SBNO2: variants seen among roughly 807,000 people sequenced by gnomAD.
The protein encoded by SBNO2 is strawberry notch homolog 2.
SBNO2 carries 89 observed loss-of-function variants against 146.3 expected under a neutral mutation model. The ratio of observed to expected loss-of-function variants is 0.61; its 90% CI spans 0.51 to 0.73. The LOEUF (loss-of-function observed/expected upper bound fraction) is 0.73, where lower values mean the gene tolerates loss of function less well. Among genes scored for constraint, SBNO2 ranks in the 30% least tolerant of loss-of-function variants. The pLI, the probability that SBNO2 is intolerant of heterozygous loss-of-function variation, is 0.00. For synonymous variants in SBNO2, 1,147 were observed against 892.6 expected (o/e 1.29, Z -5.08); for missense variants, 2,092 against 2,003.7 (o/e 1.04, Z -0.84).
At position 1,112,520 on chromosome 19, in the gene SBNO2, C is replaced by T. The variant is rs1272952010; in HGVS notation, c.2397G>A (p.Ser799=). ...MSGEKLVAII[S]EASSSGVSLQ... is the part of the protein sequence containing the mutation. ...GGGAGACACCCGAGCTGGAGGCCTCCGAGATGATGGCCACGAGCTAGGGGG... is the reference window on the plus strand; with the variant it reads ...GGGAGACACCCGAGCTGGAGGCCTCTGAGATGATGGCCACGAGCTAGGGGG... Residue 799 remains serine (S), a synonymous_variant, in exon 21 of 32, where the codon TCG becomes TCA. Coordinates refer to ENST00000361757, the MANE Select transcript of SBNO2 (RefSeq NM_014963.3). The surrounding 1 kb of genome is among the most constrained non-coding windows in gnomAD (Gnocchi z 5.9). 11 of 1,603,190 alleles carry T rather than the reference C, an allele frequency of 6.9e-6. No homozygotes were observed. The highest frequency in any genetic ancestry group is 1.7e-5 in the Admixed American group (1 of 59,540).
chr19:1,109,794 A>C lies in SBNO2; in HGVS notation c.3029-17T>G. The C allele has an allele frequency of 2.9e-6, 4 of 1,401,218 alleles. No individual in the cohort carries two copies. The highest frequency in any genetic ancestry group is 4.0e-6 in the Non-Finnish European group (4 of 1,006,434). 86.8% of individuals were successfully genotyped at this position (1,401,218 alleles called of 1,614,324 possible). On this transcript the variant is annotated splice_polypyrimidine_tract_variant and intron_variant, in intron 26 of 31. Coordinates refer to ENST00000361757, the MANE Select transcript of SBNO2 (RefSeq NM_014963.3). The surrounding 1 kb of genome is among the most constrained non-coding windows in gnomAD (Gnocchi z 4.2). ...GAGCAAGGTCTAGGGGGGCGGGTGG[A>C]GGGTAAGTGGTGTCCAGGCCTGGGA...
intron 5 of SBNO2, 25 bp downstream of exon 5, chr19:1,127,579 G>A: frequency 6.2e-7 from 1 of 1,606,958 alleles, no homozygotes; most frequent in Non-Finnish European, 8.5e-7. Flanking sequence ...GGTCGGGGCT[G>A]GCTGGGGGCA....
rs779485066 is a variant in SBNO2 at position 1,109,088 on chromosome 19, G to A, written c.3425+47C>T. ...TCGGGAGCCCCCGATCCCCGCCTGG[G>A]TCGCCGCCATCTGCCGGTTTCCCCC... is the stretch of plus-strand genomic sequence containing the variant. On this transcript the variant is annotated intron_variant, in intron 30 of 31. Transcript: ENST00000361757. The surrounding 1 kb of genome is among the most constrained non-coding windows in gnomAD (Gnocchi z 4.2). 1.9e-6 allele frequency: 3 copies of A among 1,541,140 alleles called. No individual in the cohort carries two copies. The highest frequency in any genetic ancestry group is 2.5e-5 in the East Asian group (1 of 40,804).
In SBNO2 at chr19:1,116,843, G is replaced by A. The variant is rs528284987; in HGVS notation, c.1788C>T (p.Phe596=). The change falls in exon 16 of 32, where the codon TTC becomes TTT. Residue 596 remains phenylalanine, a synonymous_variant. Transcript: ENST00000361757. ...GTGACACTTACTCAGCGGCCGAGAC[G>A]AAGCAGTTGAGGTGCCCATCGTTCT... ...LGENDGHLNC[F]VSAAEGVFLS... 421 of 1,590,216 alleles carry A rather than the reference G, an allele frequency of 2.6e-4. No homozygotes were observed. Among genetic ancestry groups the A allele is most frequent in the Non-Finnish European group, 3.4e-4 (400 of 1,169,958 alleles).
In SBNO2 at chr19:1,110,781, C is replaced by G. The variant is rs1198594825; in HGVS notation, c.2992G>C (p.Asp998His). The change falls in exon 26 of 32, where the codon GAC becomes CAC. Residue 998 changes from aspartate to histidine, a missense_variant. By Grantham distance (81) the Asp-to-His change is moderately conservative. Transcript: ENST00000361757. This position sits in a 1 kb window ranked among gnomAD's most constrained non-coding sequence, Gnocchi z 4.9. The part of the protein sequence containing the change: ...SDTFDHLIEM[D>H]KREGKYDMGI... ...ATGTCGTATTTGCCCTCCCGCTTGTCCATCTCGATGAGGTGGTCGAAGGTG... is the reference window on the plus strand; with the variant it reads ...ATGTCGTATTTGCCCTCCCGCTTGTGCATCTCGATGAGGTGGTCGAAGGTG... The G allele has an allele frequency of 1.9e-6, 3 of 1,613,530 alleles. No homozygotes were observed.
At chr19:1,123,763 T>G in intron 6 of SBNO2, 124 bp from the exon 7 acceptor site, 1 of 1,101,550 alleles carries the variant, frequency 9.1e-7, no homozygotes, top group Non-Finnish European at 1.3e-6. Flanking sequence ...GGGAGACGGC[T>G]CTGTCTGCCC....
intron 1 of SBNO2, among the ~76,000 whole-genome samples, chr19:1,155,303 G>A (rs1278921582): frequency 3.9e-5 from 6 of 152,228 alleles, no homozygotes; most frequent in Non-Finnish European, 7.3e-5. Context: ...GTCTCTGCCC[G>A]GCGCTCCAGA....
chr19:1,149,952 A>C (rs2080227377), intron 2 of SBNO2, among the ~76,000 whole-genome samples: 1 of 152,124 alleles, frequency 6.6e-6, no homozygotes, highest in Admixed American at 6.5e-5. Flanking sequence ...GGACAAGCTG[A>C]TGTGCCCGGG....
At chr19:1,117,982 AC>A (rs2079853400) in intron 14 of SBNO2, among the ~76,000 whole-genome samples, 1 of 152,144 alleles carries the variant, frequency 6.6e-6, no homozygotes, top group Admixed American at 6.5e-5. Context: ...GGACGGCCCC[AC>A]CCCGGAGAGC....
Position 1,111,097 on chromosome 19 carries a change from CG to C in SBNO2, c.2810-5del. ...GACAGCAGGCCCTGCTTCATGTCTG[CG>C]GGGAGAGGGGCCTCACATGCTGGTC... On this transcript the variant is annotated splice_polypyrimidine_tract_variant and splice_region_variant and intron_variant, in intron 24 of 31. Transcript: ENST00000361757. The C allele has an allele frequency of 6.5e-7, 1 of 1,546,700 alleles. No individual in the cohort carries two copies. The highest frequency in any genetic ancestry group is 8.7e-7 in the Non-Finnish European group (1 of 1,147,682).
At chr19:1,155,017 T>C (rs2080276893) in intron 1 of SBNO2, 2 of 152,094 alleles carry the variant, frequency 1.3e-5, no homozygotes, top group African/African-American at 4.8e-5. Context: ...CAGGGACAGC[T>C]CCCACGTGCC....
At position 1,153,395 on chromosome 19, in the gene SBNO2, G is replaced by A. The variant is rs1443267323; in HGVS notation, c.93+789C>T. ...TGGGATTACAGACACCTGCCACCAC[G>A]CCAGGCTAATTTTTTGTATTTTTAG... On this transcript the variant is annotated intron_variant, in intron 2 of 31. Coordinates refer to ENST00000361757, the MANE Select transcript of SBNO2 (RefSeq NM_014963.3). Among the ~76,000 whole-genome samples, 8 of 150,574 alleles carry A rather than the reference G, an allele frequency of 5.3e-5. No homozygotes were observed. The East Asian group carries it at 7.9e-4, about 15-fold the overall frequency.
In SBNO2 at chr19:1,122,286, G is replaced by C. The variant is rs370298272; in HGVS notation, c.1006-4C>G. On this transcript the variant is annotated splice_region_variant and splice_polypyrimidine_tract_variant and intron_variant, in intron 10 of 31. Transcript: ENST00000361757. Reference sequence around the variant, plus strand: ...TAGTGGTGTCACCGTACTTGATCTGGGGATGCACAGAACAGGTGTGGAATG... The same window carrying C: ...TAGTGGTGTCACCGTACTTGATCTGCGGATGCACAGAACAGGTGTGGAATG... 2.6e-6 allele frequency: 4 copies of C among 1,556,694 alleles called. No homozygotes were observed. Among genetic ancestry groups the C allele is most frequent in the Non-Finnish European group, 3.5e-6 (4 of 1,149,668 alleles).
chr19:1,138,412 C>A (rs956575653), intron 4 of SBNO2, among the ~76,000 whole-genome samples: 1 of 151,848 alleles, frequency 6.6e-6, no homozygotes, highest in African/African-American at 2.4e-5. Context: ...GAACCCAACA[C>A]CCCCCAGCCA....
intron 4 of SBNO2, chr19:1,128,435 C>T (rs1259517847): frequency 1.7e-5 from 5 of 285,794 alleles, no homozygotes; most frequent in East Asian, 1.5e-4. Context: ...CACTGTCGCC[C>T]GGGCTGGAGT....
At chr19:1,119,240 C>T (rs1053766176) in intron 13 of SBNO2, 76 bp from the exon 14 acceptor site, 4 of 1,506,766 alleles carry the variant, frequency 2.7e-6, no homozygotes, top group Non-Finnish European at 3.6e-6. Flanking sequence ...GAGGCAGAGC[C>T]AGTCGCAGAG....
At chr19:1,163,537 C>T (rs1179935851) in intron 1 of SBNO2, among the ~76,000 whole-genome samples, 3 of 152,226 alleles carry the variant, frequency 2.0e-5, no homozygotes, top group Admixed American at 1.3e-4. Context: ...CTCCCGTGAG[C>T]ACGAGGACTC....
intron 1 of SBNO2, among the ~76,000 whole-genome samples, chr19:1,167,763 C>T (rs1007617045): frequency 6.6e-6 from 1 of 152,196 alleles, no homozygotes. Context: ...CCCAGACCTG[C>T]AGTACACAGC....
intron 2 of SBNO2, among the ~76,000 whole-genome samples, chr19:1,151,431 TCTC>T (rs2080241647): frequency 6.6e-6 from 1 of 152,040 alleles, no homozygotes; most frequent in African/African-American, 2.4e-5. Flanking sequence ...ATCCCCCTAG[TCTC>T]CTCCCTCCCA....
Sources: allele counts gnomAD v4.1 joint callset (sites outside exome capture counted in the v4.1 genomes callset), GRCh38; gene constraint gnomAD v4.1.1; non-coding constraint Gnocchi (gnomAD v3.1); transcripts MANE v1.5; gene names NCBI Gene and HGNC (gene_info 2026-07-23, HGNC 2026-07-21).